PTPRD: variants seen among roughly 807,000 people sequenced by gnomAD.
PTPRD encodes the protein receptor-type tyrosine-protein phosphatase delta.
In PTPRD, 34 loss-of-function variants were observed where a neutral mutation model predicts 214.5. That is an observed-to-expected ratio of 0.16 (90% CI 0.12 to 0.21). The LOEUF (loss-of-function observed/expected upper bound fraction) is 0.21, where lower values mean the gene tolerates loss of function less well. Ranked by LOEUF, PTPRD falls within the 10% of genes least tolerant of loss-of-function variation. The probability of loss-of-function intolerance (pLI) is 1.00; values close to 1 mark genes in which losing one functional copy is unlikely to be tolerated. For synonymous variants in PTPRD, 1,128 were observed against 845.7 expected (o/e 1.33, Z -5.79); for missense variants, 2,545 against 2,398.7 (o/e 1.06, Z -1.27).
intron 3 of PTPRD, among the ~76,000 whole-genome samples, chr9:10,151,002 T>C (rs1418758204): frequency 6.6e-6 from 1 of 151,384 alleles, no homozygotes; most frequent in African/African-American, 2.4e-5. Flanking sequence ...GTTGTGGATA[T>C]AAAATAAGTA....
At chr9:9,523,469 G>C (rs559138188) in intron 8 of PTPRD, among the ~76,000 whole-genome samples, 2 of 152,202 alleles carry the variant, frequency 1.3e-5, no homozygotes, top group South Asian at 4.1e-4. Flanking sequence ...ATAAATATTG[G>C]ATTATAGTGT....
intron 7 of PTPRD, among the ~76,000 whole-genome samples, chr9:9,643,721 A>T (rs1411631799): frequency 6.6e-6 from 1 of 152,218 alleles, no homozygotes; most frequent in Non-Finnish European, 1.5e-5. Flanking sequence ...ATATCGCTGG[A>T]TCACTGCCAA....
chr9:9,783,137 C>T (rs555169321), intron 5 of PTPRD, among the ~76,000 whole-genome samples: 34 of 152,260 alleles, frequency 2.2e-4, no homozygotes, highest in African/African-American at 5.8e-4. Flanking sequence ...TTTTCTCCCA[C>T]GCAACAGTAA....
intron 2 of PTPRD, among the ~76,000 whole-genome samples, chr9:10,580,375 C>T (rs2071300249): frequency 6.6e-6 from 1 of 152,114 alleles, no homozygotes; most frequent in Non-Finnish European, 1.5e-5. Flanking sequence ...TAAACCTGTA[C>T]CAATATATTC....
At chr9:8,911,249 T>C (rs1268975717) in intron 11 of PTPRD, among the ~76,000 whole-genome samples, 1 of 152,230 alleles carries the variant, frequency 6.6e-6, no homozygotes, top group African/African-American at 2.4e-5. Flanking sequence ...AAGAGACATA[T>C]AGACCATTAG....
chr9:9,835,479 G>C (rs2056478671), intron 5 of PTPRD, among the ~76,000 whole-genome samples: 2 of 152,078 alleles, frequency 1.3e-5, no homozygotes, highest in Non-Finnish European at 2.9e-5. Context: ...ACATTGTATT[G>C]TTGGCACACT....
At chr9:8,345,051 G>C (rs932005603) in intron 39 of PTPRD, among the ~76,000 whole-genome samples, 15 of 115,322 alleles carry the variant, frequency 1.3e-4, no homozygotes, top group African/African-American at 3.4e-4. Context: ...TTTGAGATTT[G>C]GCTTTTAAAA....
intron 3 of PTPRD, among the ~76,000 whole-genome samples, chr9:10,037,884 A>G (rs2097216727): frequency 6.6e-6 from 1 of 152,162 alleles, no homozygotes; most frequent in Non-Finnish European, 1.5e-5. Context: ...TTTGCATCCT[A>G]CATAGTTATT....
rs2095505625 is a variant in PTPRD at position 8,776,912 on chromosome 9, ATATG to A, written c.-103-42970_-103-42967del. 4.8e-3 allele frequency among the ~76,000 whole-genome samples: 98 copies of A among 20,538 alleles called. 5 individuals are homozygous for A. 13.5% of individuals were successfully genotyped at this position (20,538 alleles called of 152,430 possible). On this transcript the variant is annotated intron_variant, in intron 11 of 45. Transcript: ENST00000381196. ...ATATTATATAATACATATGTATAATATATGTATAATATATAAATATGATGTAATA... is the reference window on the plus strand; with the variant it reads ...ATATTATATAATACATATGTATAATATATAATATATAAATATGATGTAATA...
intron 3 of PTPRD, among the ~76,000 whole-genome samples, chr9:10,084,863 T>C (rs1161031659): frequency 5.0e-4 from 76 of 151,906 alleles, no homozygotes; most frequent in Non-Finnish European, 2.9e-5. Context: ...GCTTAGAACA[T>C]AATACATAAA....
At chr9:10,428,470 G>T (rs1230087167) in intron 2 of PTPRD, among the ~76,000 whole-genome samples, 1 of 151,944 alleles carries the variant, frequency 6.6e-6, no homozygotes, top group Non-Finnish European at 1.5e-5. Context: ...GTTGCAAACA[G>T]TTATTTTTAC....
At chr9:8,773,858 T>C (rs2095343731) in intron 11 of PTPRD, among the ~76,000 whole-genome samples, 1 of 152,222 alleles carries the variant, frequency 6.6e-6, no homozygotes, top group African/African-American at 2.4e-5. Flanking sequence ...AACTCTCTTT[T>C]CTGCCCTGGC....
At chr9:10,415,209 C>T (rs913017843) in intron 2 of PTPRD, among the ~76,000 whole-genome samples, 2 of 151,594 alleles carry the variant, frequency 1.3e-5, no homozygotes, top group Non-Finnish European at 2.9e-5. Flanking sequence ...CACAATGTTG[C>T]TGTAAAGGGT....
chr9:8,737,464 G>A (rs1306652861), intron 11 of PTPRD, among the ~76,000 whole-genome samples: 1 of 151,538 alleles, frequency 6.6e-6, no homozygotes, highest in East Asian at 1.9e-4. Context: ...AAATAAACAG[G>A]ATAAAAGAAT....
chr9:10,586,880 T>G (rs868846251), intron 2 of PTPRD, among the ~76,000 whole-genome samples: 1 of 151,926 alleles, frequency 6.6e-6, no homozygotes, highest in South Asian at 2.1e-4. Context: ...CTTTGTTTTT[T>G]AACCCCACAA....
intron 9 of PTPRD, among the ~76,000 whole-genome samples, chr9:9,249,054 A>T (rs2099974289): frequency 6.6e-6 from 1 of 152,008 alleles, no homozygotes. Flanking sequence ...CAGTGTTGGA[A>T]GTGGGGCCCA....
intron 2 of PTPRD, among the ~76,000 whole-genome samples, chr9:10,607,551 T>TA (rs1250684495): frequency 6.6e-6 from 1 of 151,854 alleles, no homozygotes; most frequent in East Asian, 1.9e-4. Context: ...TTTTACAATT[T>TA]AAAAAAATAA....
At chr9:10,120,096 C>T (rs139783272) in intron 3 of PTPRD, among the ~76,000 whole-genome samples, 17 of 152,074 alleles carry the variant, frequency 1.1e-4, no homozygotes, top group African/African-American at 3.9e-4. Flanking sequence ...TGTTTGTATG[C>T]TGCATAAGAA....
intron 3 of PTPRD, among the ~76,000 whole-genome samples, chr9:10,149,222 A>T (rs539792402): frequency 6.6e-6 from 1 of 152,300 alleles, no homozygotes; most frequent in Admixed American, 6.5e-5. Flanking sequence ...TCATGTTGCA[A>T]CACAAGTTTT....
Sources: gnomAD v4.1 joint callset for allele counts (sites outside exome capture counted in the v4.1 genomes callset) on GRCh38, gnomAD v4.1.1 for gene constraint, MANE v1.5 for transcripts, NCBI Gene and HGNC (gene_info 2026-07-23, HGNC 2026-07-21) for gene names.